Variants in CDK6 observed in about 807,000 individuals in gnomAD.
The protein encoded by CDK6 is cyclin-dependent kinase 6.
CDK6 carries 6 observed loss-of-function variants against 37.1 expected under a neutral mutation model. The observed-to-expected ratio is 0.16, with a 90% CI of 0.09 to 0.32. The LOEUF is 0.32. Ranked by LOEUF, CDK6 falls within the 10% of genes least tolerant of loss-of-function variation. The probability of loss-of-function intolerance (pLI) is 1.00; values close to 1 mark genes in which losing one functional copy is unlikely to be tolerated. For missense variants in CDK6, 224 were observed against 418.9 expected (o/e 0.53, Z 4.06); for synonymous variants, 160 against 161.3 (o/e 0.99, Z 0.06).
intron 3 of CDK6, among the ~76,000 whole-genome samples, chr7:92,735,640 AT>A (rs1429718223): frequency 6.6e-6 from 1 of 152,252 alleles, no homozygotes; most frequent in Non-Finnish European, 1.5e-5. Flanking sequence ...AATGCAATGC[AT>A]CTTTATATTC....
chr7:92,773,153 G>T (rs1219907602), intron 3 of CDK6, among the ~76,000 whole-genome samples: 1 of 152,076 alleles, frequency 6.6e-6, no homozygotes, highest in Non-Finnish European at 1.5e-5. Flanking sequence ...ACACTGTCAG[G>T]ACATGAGGAT....
chr7:92,697,801 C>T (rs1468194431), intron 4 of CDK6, among the ~76,000 whole-genome samples: 1 of 152,174 alleles, frequency 6.6e-6, no homozygotes, highest in Non-Finnish European at 1.5e-5. Context: ...TGACTTCTAT[C>T]AGAGGTGAAG....
chr7:92,739,849 G>A (rs1258642691), intron 3 of CDK6, among the ~76,000 whole-genome samples: 1 of 152,076 alleles, frequency 6.6e-6, no homozygotes, highest in Non-Finnish European at 1.5e-5. Context: ...CAAACTCCTG[G>A]GCACAAGCAA....
chr7:92,770,065 C>T (rs1484677735), intron 3 of CDK6, among the ~76,000 whole-genome samples: 3 of 152,120 alleles, frequency 2.0e-5, no homozygotes, highest in Non-Finnish European at 2.9e-5. Context: ...AAAGATGGCA[C>T]TGAACTCCTC....
intron 2 of CDK6, among the ~76,000 whole-genome samples, chr7:92,800,117 C>A (rs1800531690): frequency 6.6e-6 from 1 of 152,094 alleles, no homozygotes; most frequent in Non-Finnish European, 1.5e-5. Context: ...CATATGCAAA[C>A]CTTCCTCTCA....
intron 5 of CDK6, among the ~76,000 whole-genome samples, chr7:92,658,681 C>A (rs1038106285): frequency 6.6e-6 from 1 of 152,066 alleles, no homozygotes. Flanking sequence ...ACAGGAAAGA[C>A]AATGTTCACA....
chr7:92,795,804 A>G (rs1800394252), intron 2 of CDK6, among the ~76,000 whole-genome samples: 2 of 152,276 alleles, frequency 1.3e-5, no homozygotes, highest in South Asian at 4.1e-4. Context: ...AGAATTTTAT[A>G]GATTTTTACA....
intron 4 of CDK6, among the ~76,000 whole-genome samples, chr7:92,711,551 AATT>A (rs1798093171): frequency 7.7e-6 from 1 of 130,532 alleles, no homozygotes; most frequent in Non-Finnish European, 1.5e-5. Context: ...GGAATGGTCA[AATT>A]TTTTTTTTTT....
At chr7:92,662,702 A>G (rs1462437980) in intron 5 of CDK6, among the ~76,000 whole-genome samples, 2 of 152,180 alleles carry the variant, frequency 1.3e-5, no homozygotes, top group African/African-American at 4.8e-5. Flanking sequence ...ACGTATTTGC[A>G]AAACACTTCT....
intron 6 of CDK6, among the ~76,000 whole-genome samples, chr7:92,622,779 A>G (rs1424622889): frequency 6.6e-6 from 1 of 152,068 alleles, no homozygotes; most frequent in Non-Finnish European, 1.5e-5. Context: ...ACTGGAGCTC[A>G]GCCACACGAA....
chr7:92,645,000 G>C (rs1329246558), intron 5 of CDK6, among the ~76,000 whole-genome samples: 14 of 152,194 alleles, frequency 9.2e-5, no homozygotes, highest in Admixed American at 9.2e-4. Context: ...CTGTCTGAGA[G>C]GGAAGACAAA....
rs776881242 is a variant in CDK6 at position 92,671,495 on chromosome 7, T to C, written c.578A>G (p.Gln193Arg). 9.5e-6 allele frequency: 15 copies of C among 1,584,122 alleles called. No individual in the cohort carries two copies. In the South Asian group the frequency reaches 1.7e-4, roughly 18 times the overall value. ...ATCCACGGGGGTGGCGTAGCTGGAC[T>C]GGAGCAAGACTTCGGGTGCTCTGTA... ...LWYRAPEVLL[Q>R]SSYATPVDLW... Residue 193 changes from glutamine to arginine, a missense_variant, in exon 5 of 8, where the codon CAG (glutamine) becomes CGG (arginine). Physicochemically the swap from Gln to Arg is conservative, Grantham distance 43. This residue lies in a region of CDK6 where 82 missense variants were observed against 202.1 expected (regional missense o/e 0.41). Transcript: ENST00000424848.
chr7:92,775,243 C>G (rs1280663903), intron 2 of CDK6, among the ~76,000 whole-genome samples: 2 of 152,142 alleles, frequency 1.3e-5, no homozygotes, highest in South Asian at 4.1e-4. Context: ...TTTGGAGATG[C>G]TGAATGTTGT....
chr7:92,802,727 T>A (rs1408215310), intron 2 of CDK6, among the ~76,000 whole-genome samples: 1 of 152,210 alleles, frequency 6.6e-6, no homozygotes, highest in African/African-American at 2.4e-5. Context: ...GGTGGTAAAG[T>A]ATGTTAATGA....
chr7:92,658,166 GTTGAAACTTTTTGC>G (rs1354210218), intron 5 of CDK6, among the ~76,000 whole-genome samples: 1 of 152,178 alleles, frequency 6.6e-6, no homozygotes, highest in Non-Finnish European at 1.5e-5. Context: ...ACAGAGTTTA[GTTGAAACTTTTTGC>G]AGGGTAATTT....
At chr7:92,697,314 GA>G (rs2116653426) in intron 4 of CDK6, among the ~76,000 whole-genome samples, 1 of 152,264 alleles carries the variant, frequency 6.6e-6, no homozygotes, top group East Asian at 1.9e-4. Flanking sequence ...GAAGCTCAAA[GA>G]AACCCCAGAG....
chr7:92,680,372 C>A (rs1426754972), intron 4 of CDK6, among the ~76,000 whole-genome samples: 2 of 121,098 alleles, frequency 1.7e-5, no homozygotes, highest in Non-Finnish European at 3.2e-5. Context: ...GTGGAGGTTG[C>A]GGTGAGCCGA....
chr7:92,773,207 G>C lies in CDK6; in HGVS notation c.369+1489C>G, dbSNP rs551463027. On this transcript the variant is annotated intron_variant, in intron 3 of 7. Transcript: ENST00000424848. ...TGTACATTAAAAAATCCCAATTAAAGGCAGAAAACAAGATAAAGAGGTAGA... is the reference window on the plus strand; with the variant it reads ...TGTACATTAAAAAATCCCAATTAAACGCAGAAAACAAGATAAAGAGGTAGA... Among the ~76,000 whole-genome samples, 14 of 152,226 alleles carry C rather than the reference G, an allele frequency of 9.2e-5. No individual in the cohort carries two copies. The East Asian group carries it at 2.7e-3, about 29-fold the overall frequency.
At chr7:92,665,912 C>T (rs542092996) in intron 5 of CDK6, among the ~76,000 whole-genome samples, 2 of 152,202 alleles carry the variant, frequency 1.3e-5, no homozygotes, top group African/African-American at 4.8e-5. Context: ...AAGTTATTCA[C>T]CCTCCTTGTG....
Sources: gnomAD v4.1 joint callset for allele counts (sites outside exome capture counted in the v4.1 genomes callset) on GRCh38, gnomAD v4.1.1 for gene constraint, gnomAD v4.1.1 regional missense constraint, MANE v1.5 for transcripts, NCBI Gene and HGNC (gene_info 2026-07-23, HGNC 2026-07-21) for gene names.